The following ZBTB21 variants were observed in gnomAD, a reference collection of about 807,000 sequenced individuals.
The protein encoded by ZBTB21 is zinc finger and BTB domain-containing protein 21.
ZBTB21 carries 10 observed loss-of-function variants against 39.8 expected under a neutral mutation model. The observed-to-expected ratio is 0.25, with a 90% CI of 0.16 to 0.43. ZBTB21 has a LOEUF of 0.43. ZBTB21 is among the 20% of genes least tolerant of loss of function. ZBTB21 has a pLI of 1.00. For missense variants in ZBTB21, 1,221 were observed against 1,296.3 expected (o/e 0.94, Z 0.89); for synonymous variants, 551 against 498.8 (o/e 1.10, Z -1.40).
chr21:42,004,535 A>T (rs904703215), intron 1 of ZBTB21, among the ~76,000 whole-genome samples: 1 of 152,170 alleles, frequency 6.6e-6, no homozygotes, highest in Admixed American at 6.5e-5. Context: ...AGGGATCAAA[A>T]TAATCTCACC....
At chr21:42,004,305 C>T (rs200239164) in intron 1 of ZBTB21, among the ~76,000 whole-genome samples, 8 of 152,232 alleles carry the variant, frequency 5.3e-5, no homozygotes, top group South Asian at 4.1e-4. Context: ...TATGAGCCAC[C>T]GCGCCCGGCC....
At position 41,992,935 on chromosome 21, in the gene ZBTB21, T is replaced by C; in HGVS notation, c.1161A>G (p.Lys387=). 2 of 1,614,214 alleles carry C rather than the reference T, an allele frequency of 1.2e-6. No homozygotes were observed. Among genetic ancestry groups the C allele is most frequent in the South Asian group, 2.2e-5 (2 of 91,084 alleles). ...CTAGGGCTGTTTTTTCACTACAATC[T>C]TTTAAAGATGACTTCTGAGATAAAG... ...LCALSQKSSL[K]DCSEKTALDD... The change falls in exon 3 of 3, where the codon AAA becomes AAG. Residue 387 remains lysine (K), a synonymous_variant. Transcript: ENST00000310826. This position sits in a 1 kb window ranked among gnomAD's most constrained non-coding sequence, Gnocchi z 4.1.
intron 2 of ZBTB21, among the ~76,000 whole-genome samples, chr21:41,998,744 G>A (rs992527181): frequency 2.0e-5 from 3 of 151,880 alleles, no homozygotes; most frequent in Admixed American, 6.6e-5. Flanking sequence ...GGCCACACAC[G>A]GTATACAATT....
chr21:41,994,725 G>C (rs945368610), intron 2 of ZBTB21, among the ~76,000 whole-genome samples: 1 of 152,162 alleles, frequency 6.6e-6, no homozygotes, highest in Non-Finnish European at 1.5e-5. Flanking sequence ...CTCCTGAGTA[G>C]CTGGGACCAC....
At chr21:41,995,601 G>A (rs1456844593) in intron 2 of ZBTB21, among the ~76,000 whole-genome samples, 1 of 152,232 alleles carries the variant, frequency 6.6e-6, no homozygotes. Flanking sequence ...CGATAGAAAA[G>A]AAAATCCCAT....
chr21:41,986,957 C>CGGGAGGA lies in ZBTB21; in HGVS notation c.*3937_*3938insTCCTCCC, dbSNP rs2146259756. 1 of 152,684 alleles carries CGGGAGGA rather than the reference C, an allele frequency of 6.5e-6. No individual in the cohort carries two copies. Among genetic ancestry groups the CGGGAGGA allele is most frequent in the Admixed American group, 6.5e-5 (1 of 15,296 alleles). 9.5% of individuals were successfully genotyped at this position (152,684 alleles called of 1,614,324 possible). A position where few individuals can be genotyped will look rare whatever the true frequency, so the allele number is the denominator to read the frequency against. ...AACATTAGATAGAAATCCTATTTTA[C>CGGGAGGA]CATGAATTTTCAGTTCGAAAAAGCT... On this transcript the variant is annotated 3_prime_UTR_variant, in exon 3 of 3. Coordinates refer to ENST00000310826, the MANE Select transcript of ZBTB21 (RefSeq NM_001098402.2).
Position 41,993,677 on chromosome 21 carries a change from T to C in ZBTB21, c.419A>G (p.Asp140Gly), listed in dbSNP as rs970588623. ...ACTTCTCTTTTGAGAACTGTTTTCA[T>C]CATCTTCTACAAACACTTTTTTTCT... ...PNRKKVFVED[D>G]ENSSQKRSVI... Residue 140 changes from aspartate to glycine, a missense_variant, in exon 3 of 3, where the codon GAT becomes GGT. Coordinates refer to ENST00000310826, the MANE Select transcript of ZBTB21 (RefSeq NM_001098402.2). 2 of 1,614,096 alleles carry C rather than the reference T, an allele frequency of 1.2e-6. No homozygotes were observed. The highest frequency in any genetic ancestry group is 2.7e-5 in the African/African-American group (2 of 74,936).
rs759233505 is a variant in ZBTB21, at chr21:41,992,212, C to G, written c.1884G>C (p.Glu628Asp). The G allele has an allele frequency of 6.2e-7, 1 of 1,614,172 alleles. No individual in the cohort carries two copies. The highest frequency in any genetic ancestry group is 1.1e-5 in the South Asian group (1 of 91,074). The change falls in exon 3 of 3, where the codon GAG (glutamate) becomes GAC (aspartate). Residue 628 changes from glutamate to aspartate, a missense_variant. By Grantham distance (45) the Glu-to-Asp change is conservative (BLOSUM62 2). Around this residue, in one of 4 missense-constraint regions of ZBTB21, gnomAD observed 90 missense variants for 133.1 expected, o/e 0.68. Transcript: ENST00000310826. This position sits in a 1 kb window ranked among gnomAD's most constrained non-coding sequence, Gnocchi z 4.1. ...TGATCAGGGCCTTCTTAATTTCTCT[C>G]TCTCTCACTATGTCAATCAGCTTTC... ...FQRKLIDIVR[E>D]REIKKALIIK...
At position 41,993,847 on chromosome 21, in the gene ZBTB21, A is replaced by C. The variant is rs1238269043; in HGVS notation, c.249T>G (p.Val83=). ...DFCEPDAFDN[V]LNYIYSSSLF... is the part of the protein sequence containing the mutation. The stretch of plus-strand genomic sequence containing the variant: ...GAGAGGAAGAATAAATGTAGTTTAA[A>C]ACATTATCAAAAGCATCTGGCTCAC... The change falls in exon 3 of 3, where the codon GTT becomes GTG. Residue 83 remains valine (V), a synonymous_variant. Coordinates refer to ENST00000310826, the MANE Select transcript of ZBTB21 (RefSeq NM_001098402.2). 6.2e-7 allele frequency: 1 copy of C among 1,614,140 alleles called. No homozygotes were observed. The highest frequency in any genetic ancestry group is 2.2e-5 in the East Asian group (1 of 44,888).
intron 2 of ZBTB21, among the ~76,000 whole-genome samples, chr21:42,000,696 G>A (rs566001344): frequency 6.6e-6 from 1 of 152,222 alleles, no homozygotes; most frequent in Admixed American, 6.5e-5. Context: ...AAATTTCTTG[G>A]ATCACAGACC....
At chr21:42,000,467 A>C (rs1229472152) in intron 2 of ZBTB21, among the ~76,000 whole-genome samples, 2 of 152,094 alleles carry the variant, frequency 1.3e-5, no homozygotes, top group African/African-American at 2.4e-5. Flanking sequence ...TTCACACTAA[A>C]ACCTCCCTTC....
In ZBTB21 at chr21:41,994,694, C is replaced by G. The variant is rs548260845; in HGVS notation, c.-13-586G>C. Among the ~76,000 whole-genome samples, 11 of 152,292 alleles carry G rather than the reference C, an allele frequency of 7.2e-5. No individual in the cohort carries two copies. In the East Asian group the frequency reaches 2.1e-3, roughly 29 times the overall value. On this transcript the variant is annotated intron_variant, in intron 2 of 2. Coordinates refer to ENST00000310826, the MANE Select transcript of ZBTB21 (RefSeq NM_001098402.2). The stretch of plus-strand genomic sequence containing the variant: ...CACTGCAGCCTCAATCTCCTGGGCT[C>G]AAGCAATCCTCCCACTCAGCCTCCT...
In ZBTB21 at chr21:41,993,477, T is replaced by A; in HGVS notation, c.619A>T (p.Ser207Cys). Reference sequence around the variant, plus strand: ...ACCACAGAACTATCTTTCGGCCAACTCTTTTCAGTTAATGACAAATTATGA... The same window carrying A: ...ACCACAGAACTATCTTTCGGCCAACACTTTTCAGTTAATGACAAATTATGA... The part of the protein sequence containing the change: ...PLHNLSLTEK[S>C]WPKDSSVVYA... Residue 207 changes from serine (S) to cysteine (C), a missense_variant, in exon 3 of 3, where the codon AGT (serine) becomes TGT (cysteine). Physicochemically the swap from Ser to Cys is moderately radical, Grantham distance 112 (BLOSUM62 -1). Transcript: ENST00000310826. The A allele has an allele frequency of 6.2e-7, 1 of 1,614,244 alleles. No homozygotes were observed. Among genetic ancestry groups the A allele is most frequent in the South Asian group, 1.1e-5 (1 of 91,084 alleles).
chr21:41,998,040 A>G (rs2065772006), intron 2 of ZBTB21, among the ~76,000 whole-genome samples: 1 of 152,204 alleles, frequency 6.6e-6, no homozygotes, highest in Admixed American at 6.5e-5. Context: ...TGCAGGATTA[A>G]TAGGCATCTA....
rs758118890 is a variant in ZBTB21, at chr21:41,993,901, C to G, written c.195G>C (p.Glu65Asp). The change falls in exon 3 of 3, where the codon GAG becomes GAC. Residue 65 changes from glutamate to aspartate, a missense_variant. Transcript: ENST00000310826. ...AGTCAAGCTGAAATACAGTTTGTGACTCATTTTCCTTATTTGTGAATAAAC... is the reference window on the plus strand; with the variant it reads ...AGTCAAGCTGAAATACAGTTTGTGAGTCATTTTCCTTATTTGTGAATAAAC... ...FQSLFTNKEN[E>D]SQTVFQLDFC... 1 of 1,614,078 alleles carries G rather than the reference C, an allele frequency of 6.2e-7. No individual in the cohort carries two copies. The highest frequency in any genetic ancestry group is 1.1e-5 in the South Asian group (1 of 91,052).
intron 2 of ZBTB21, among the ~76,000 whole-genome samples, chr21:41,995,732 C>T (rs142870746): frequency 0.022 from 3,348 of 152,368 alleles, 65 homozygotes; most frequent in Non-Finnish European, 0.033. Context: ...GCAGCAGCCC[C>T]TTCCATCACA....
chr21:42,002,666 T>TA (rs922026953), intron 2 of ZBTB21: 1 of 152,150 alleles, frequency 6.6e-6, no homozygotes, highest in Admixed American at 6.5e-5. Flanking sequence ...ATCTTACACA[T>TA]AAACACGCAC....
In ZBTB21 at chr21:42,006,699, T is replaced by C. The variant is rs2065883312; in HGVS notation, c.-79+3553A>G. Among the ~76,000 whole-genome samples the C allele has an allele frequency of 2.6e-5, 4 of 152,150 alleles. No homozygotes were observed. In the South Asian group the frequency reaches 8.3e-4, roughly 32 times the overall value. The stretch of plus-strand genomic sequence containing the variant: ...CCCACTCTTCCCTCCCAAATTTATA[T>C]GATAAAGACTTAGCCTCCAGTACCT... On this transcript the variant is annotated intron_variant, in intron 1 of 2. Transcript: ENST00000310826.
In ZBTB21 at chr21:41,993,550, G is replaced by A; in HGVS notation, c.546C>T (p.Val182=). The change falls in exon 3 of 3, where the codon GTC becomes GTT. Residue 182 remains valine, a synonymous_variant. Transcript: ENST00000310826. ...CATGTGGCTTATTGGTATTGGCCTTGACTGCAATGCTAGGAGAGGGCCGGG... is the reference window on the plus strand; with the variant it reads ...CATGTGGCTTATTGGTATTGGCCTTAACTGCAATGCTAGGAGAGGGCCGGG... ...HTSRPSPSIA[V]KANTNKPHVP... 1 of 1,614,234 alleles carries A rather than the reference G, an allele frequency of 6.2e-7. No homozygotes were observed.
Sources: allele counts gnomAD v4.1 joint callset (sites outside exome capture counted in the v4.1 genomes callset), GRCh38; gene constraint gnomAD v4.1.1; regional missense constraint gnomAD v4.1.1; non-coding constraint Gnocchi (gnomAD v3.1); transcripts MANE v1.5; gene names NCBI Gene and HGNC (gene_info 2026-07-23, HGNC 2026-07-21).